The following LEKR1 variants were observed in gnomAD, a reference collection of about 807,000 sequenced individuals.
LEKR1 encodes the protein protein LEKR1.
Under a neutral mutation model 72.4 loss-of-function variants are expected in LEKR1, and 59 were observed. The ratio of observed to expected loss-of-function variants is 0.82; its 90% confidence interval spans 0.66 to 1.01. The LOEUF is 1.01. Ranked by LOEUF, LEKR1 falls within the 50% of genes least tolerant of loss-of-function variation. The pLI is 0.00. For missense variants in LEKR1, 728 were observed against 759.2 expected (o/e 0.96, Z 0.48); for synonymous variants, 257 against 263.2 (o/e 0.98, Z 0.23).
chr3:156,873,393 G>C (rs77873364), intron 3 of LEKR1, among the ~76,000 whole-genome samples: 5 of 151,908 alleles, frequency 3.3e-5, no homozygotes, highest in African/African-American at 1.2e-4. Context: ...TTTTTAAAGG[G>C]AACATTTACT....
chr3:157,045,407 G>A lies in LEKR1; in HGVS notation c.1736G>A (p.Ser579Asn). 1 of 1,614,064 alleles carries A rather than the reference G, an allele frequency of 6.2e-7. No individual in the cohort carries two copies. The highest frequency in any genetic ancestry group is 1.1e-5 in the South Asian group (1 of 91,074). Residue 579 changes from serine to asparagine, a missense_variant, in exon 13 of 13, where the codon AGT (serine) becomes AAT (asparagine). Ser to Asn is a conservative substitution (Grantham distance 46). Coordinates refer to ENST00000356539, the MANE Select transcript of LEKR1 (RefSeq NM_001004316.3). ...EERFELTEALSQAREQLLELS... is the reference protein window; with the variant it reads ...EERFELTEALNQAREQLLELS... ...CGCTTTGAACTGACAGAGGCTTTGA[G>A]TCAAGCCAGAGAACAGCTCCTGGAG...
chr3:156,829,771 C>G lies in LEKR1; in HGVS notation c.48+394C>G, dbSNP rs1038744217. On this transcript the variant is annotated intron_variant, in intron 2 of 12. Transcript: ENST00000356539. ...TTTAAGCCCCTTTTATGCAGATGACCCTTGAACAACATGGAACTAAATTGT... is the reference window on the plus strand; with the variant it reads ...TTTAAGCCCCTTTTATGCAGATGACGCTTGAACAACATGGAACTAAATTGT... Among the ~76,000 whole-genome samples the G allele has an allele frequency of 3.3e-5, 5 of 152,154 alleles. No individual in the cohort carries two copies. In the East Asian group the frequency reaches 5.8e-4, roughly 18 times the overall value.
intron 6 of LEKR1, 125 bp downstream of exon 6, chr3:156,942,839 ATTAT>A: frequency 5.4e-6 from 2 of 369,938 alleles, no homozygotes; most frequent in Non-Finnish European, 9.7e-6. Context: ...AATATGCCTA[ATTAT>A]TAGTATCACT....
chr3:156,828,279 C>T (rs542232980), intron 1 of LEKR1, among the ~76,000 whole-genome samples: 26 of 152,224 alleles, frequency 1.7e-4, no homozygotes, highest in Admixed American at 8.5e-4. Context: ...TTGACAACTA[C>T]GGTTTCCCTG....
intron 3 of LEKR1, among the ~76,000 whole-genome samples, chr3:156,864,753 C>A (rs1448249306): frequency 2.0e-5 from 3 of 151,704 alleles, no homozygotes; most frequent in Non-Finnish European, 4.4e-5. Flanking sequence ...AGTATTTTAC[C>A]CCTTTTATCT....
chr3:156,841,754 A>G (rs1171367884), intron 2 of LEKR1, among the ~76,000 whole-genome samples: 1 of 152,146 alleles, frequency 6.6e-6, no homozygotes, highest in Non-Finnish European at 1.5e-5. Context: ...CTTCTTACCT[A>G]TATTTGATTT....
chr3:156,962,265 A>T (rs1311299216), intron 6 of LEKR1, among the ~76,000 whole-genome samples: 1 of 152,244 alleles, frequency 6.6e-6, no homozygotes, highest in Non-Finnish European at 1.5e-5. Flanking sequence ...GTTGGACTTT[A>T]GTTGGAATAA....
intron 3 of LEKR1, among the ~76,000 whole-genome samples, chr3:156,901,391 G>T (rs62275255): frequency 0.032 from 4,840 of 152,094 alleles, 117 homozygotes; most frequent in Non-Finnish European, 0.047. Flanking sequence ...CTGTCTTATT[G>T]TTTTACACTC....
chr3:157,002,869 T>A (rs1732119047), intron 9 of LEKR1, among the ~76,000 whole-genome samples: 1 of 152,190 alleles, frequency 6.6e-6, no homozygotes, highest in East Asian at 1.9e-4. Context: ...TCTACTAGAC[T>A]TTTTAAGTTT....
chr3:156,961,866 A>T (rs894576748), intron 6 of LEKR1, among the ~76,000 whole-genome samples: 3 of 152,240 alleles, frequency 2.0e-5, no homozygotes, highest in Non-Finnish European at 4.4e-5. Context: ...CATCTAAAGA[A>T]CTATATATTC....
At chr3:156,844,215 C>T (rs569894940) in intron 2 of LEKR1, among the ~76,000 whole-genome samples, 2 of 152,030 alleles carry the variant, frequency 1.3e-5, no homozygotes, top group African/African-American at 4.8e-5. Flanking sequence ...TGCTCAATAA[C>T]ATGTCTTTAT....
chr3:157,041,917 G>A (rs753547391), intron 12 of LEKR1, among the ~76,000 whole-genome samples: 58 of 152,098 alleles, frequency 3.8e-4, no homozygotes, highest in Non-Finnish European at 7.5e-4. Context: ...CACGTATGAT[G>A]GAATTTTCCA....
At chr3:156,922,727 A>G (rs1039140440) in intron 4 of LEKR1, among the ~76,000 whole-genome samples, 1 of 152,202 alleles carries the variant, frequency 6.6e-6, no homozygotes, top group African/African-American at 2.4e-5. Flanking sequence ...GTGTCTTTTG[A>G]AAATGCAAAT....
chr3:156,951,502 G>A (rs1473793408), intron 6 of LEKR1, among the ~76,000 whole-genome samples: 1 of 151,308 alleles, frequency 6.6e-6, no homozygotes, highest in Non-Finnish European at 1.5e-5. Context: ...TTTTTTTTTG[G>A]TTGGTAGACT....
chr3:156,969,998 A>G (rs1324462226), intron 6 of LEKR1, among the ~76,000 whole-genome samples: 2 of 152,252 alleles, frequency 1.3e-5, no homozygotes, highest in Non-Finnish European at 2.9e-5. Flanking sequence ...AATCCAGCAT[A>G]TAAACAGAAC....
intron 3 of LEKR1, among the ~76,000 whole-genome samples, chr3:156,893,199 T>C (rs760083687): frequency 1.3e-5 from 2 of 152,154 alleles, no homozygotes; most frequent in Non-Finnish European, 2.9e-5. Flanking sequence ...GAGGACTTCT[T>C]GGGTGAGATT....
chr3:156,855,022 A>G (rs1033326906), intron 3 of LEKR1, among the ~76,000 whole-genome samples: 1 of 152,166 alleles, frequency 6.6e-6, no homozygotes, highest in Non-Finnish European at 1.5e-5. Context: ...TAACTACACC[A>G]ACATTTTTGT....
chr3:156,898,838 A>G (rs1721478233), intron 3 of LEKR1, among the ~76,000 whole-genome samples: 1 of 152,202 alleles, frequency 6.6e-6, no homozygotes, highest in Admixed American at 6.5e-5. Flanking sequence ...AAACAAACAA[A>G]CAAAAAAATG....
chr3:156,828,879 T>C (rs1482645729), intron 1 of LEKR1, among the ~76,000 whole-genome samples: 3 of 152,236 alleles, frequency 2.0e-5, no homozygotes, highest in Non-Finnish European at 2.9e-5. Flanking sequence ...CAATTGCTTT[T>C]TTCATCTGCT....
Sources: gnomAD v4.1 joint callset for allele counts (sites outside exome capture counted in the v4.1 genomes callset) on GRCh38, gnomAD v4.1.1 for gene constraint, MANE v1.5 for transcripts, NCBI Gene and HGNC (gene_info 2026-07-23, HGNC 2026-07-21) for gene names.